MYBL2: variants seen among roughly 807,000 people sequenced by gnomAD.
MYBL2 encodes the protein MYB proto-oncogene like 2, also known as myb-related protein B.
MYBL2 carries 28 observed loss-of-function variants against 79.9 expected under a neutral mutation model. The observed-to-expected ratio is 0.35, with a 90% confidence interval of 0.26 to 0.48. MYBL2 has a LOEUF of 0.48. MYBL2 is among the 20% of genes least tolerant of loss of function. The pLI, the probability that MYBL2 is intolerant of heterozygous loss-of-function variation, is 0.99. For missense variants in MYBL2, 735 were observed against 893.9 expected (o/e 0.82, Z 2.27); for synonymous variants, 378 against 361.2 (o/e 1.05, Z -0.53).
intron 4 of MYBL2, among the ~76,000 whole-genome samples, chr20:43,684,239 T>TC (rs1444510247): frequency 6.6e-6 from 1 of 151,422 alleles, no homozygotes; most frequent in Non-Finnish European, 1.5e-5. Flanking sequence ...TTTTTTTTTT[T>TC]CCTTGTTAAT....
At chr20:43,697,869 C>T (rs1234097001) in intron 6 of MYBL2, among the ~76,000 whole-genome samples, 2 of 149,844 alleles carry the variant, frequency 1.3e-5, no homozygotes, top group Admixed American at 6.7e-5. Flanking sequence ...GAGCCGAGAT[C>T]GCGCCACTGC....
At chr20:43,715,536 AC>A (rs1988012451) in intron 13 of MYBL2, among the ~76,000 whole-genome samples, 2 of 151,982 alleles carry the variant, frequency 1.3e-5, no homozygotes, top group South Asian at 4.2e-4. Context: ...CTGTAGAGAT[AC>A]CCCCATTCTG....
chr20:43,700,115 A>C (rs1029442996), intron 7 of MYBL2, 71 bp downstream of exon 7: 15 of 1,546,300 alleles, frequency 9.7e-6, no homozygotes, highest in Non-Finnish European at 1.2e-5. Flanking sequence ...TCTCAGGCCC[A>C]CATCCTTTTG....
chr20:43,711,759 C>CT (rs1463037685), intron 11 of MYBL2, among the ~76,000 whole-genome samples, 158 bp downstream of exon 11: 2 of 152,078 alleles, frequency 1.3e-5, no homozygotes, highest in African/African-American at 4.8e-5. Flanking sequence ...GTTGAGGAAA[C>CT]TGACAAGATA....
chr20:43,700,048 T>A lies in MYBL2; in HGVS notation c.951+4T>A. 6.2e-7 allele frequency: 1 copy of A among 1,612,976 alleles called. No individual in the cohort carries two copies. The highest frequency in any genetic ancestry group is 1.1e-5 in the South Asian group (1 of 91,048). On this transcript the variant is annotated splice_donor_region_variant and intron_variant, in intron 7 of 13. Coordinates refer to ENST00000217026, the MANE Select transcript of MYBL2 (RefSeq NM_002466.4). ...AGCCCTGGACTTGATCGAGTCGGTA[T>A]GTTGGTCACAACACTTCACAGTGAG...
intron 6 of MYBL2, 136 bp downstream of exon 6, chr20:43,692,455 T>C: frequency 9.3e-7 from 1 of 1,076,714 alleles, no homozygotes; most frequent in South Asian, 1.7e-5. Flanking sequence ...TCTGGGGCCT[T>C]GTGAGACTTC....
chr20:43,668,681 C>T (rs998897065), intron 1 of MYBL2, among the ~76,000 whole-genome samples: 1 of 128,096 alleles, frequency 7.8e-6, no homozygotes, highest in Admixed American at 9.4e-5. Flanking sequence ...CAGACCCTGC[C>T]CTGGTTTTTT....
chr20:43,697,981 G>T (rs1353359358), intron 6 of MYBL2, among the ~76,000 whole-genome samples: 2 of 148,630 alleles, frequency 1.3e-5, no homozygotes, highest in Non-Finnish European at 3.0e-5. Flanking sequence ...CATTGTTTTG[G>T]TTTTCATTTC....
chr20:43,707,512 G>A (rs762855965), intron 9 of MYBL2, among the ~76,000 whole-genome samples: 14 of 152,082 alleles, frequency 9.2e-5, no homozygotes, highest in East Asian at 1.9e-4. Flanking sequence ...TAACCATGTA[G>A]TGTGGGCTTG....
rs920043568 is a variant in MYBL2 at position 43,709,188 on chromosome 20, C to T, written c.1506-775C>T. On this transcript the variant is annotated intron_variant, in intron 9 of 13. Coordinates refer to ENST00000217026, the MANE Select transcript of MYBL2 (RefSeq NM_002466.4). ...CATCCTCTGAGTGCCCTGGTTATGC[C>T]ATGAGAGTCAGCCATGGTGGTATCT... Among the ~76,000 whole-genome samples the T allele has an allele frequency of 5.3e-5, 8 of 152,268 alleles. No individual in the cohort carries two copies. The East Asian group carries it at 9.7e-4, about 18-fold the overall frequency.
At chr20:43,704,791 T>C (rs1354063126) in intron 8 of MYBL2, among the ~76,000 whole-genome samples, 1 of 152,154 alleles carries the variant, frequency 6.6e-6, no homozygotes, top group East Asian at 1.9e-4. Flanking sequence ...GTGAAGTGCT[T>C]AGCACTGGCA....
At chr20:43,692,112 C>A (rs1987425797) in intron 5 of MYBL2, 45 bp from the exon 6 acceptor site, 1 of 1,597,248 alleles carries the variant, frequency 6.3e-7, no homozygotes, top group Non-Finnish European at 8.6e-7. Flanking sequence ...GATGGCACCC[C>A]ACCCACAGAG....
rs1324860905 is a variant in MYBL2 at position 43,716,386 on chromosome 20, T to G, written c.*299T>G. 3 of 425,532 alleles carry G rather than the reference T, an allele frequency of 7.1e-6. No homozygotes were observed. The highest frequency in any genetic ancestry group is 1.3e-5 in the Non-Finnish European group (3 of 239,128). 26.4% of individuals were successfully genotyped at this position (425,532 alleles called of 1,614,324 possible). The stretch of plus-strand genomic sequence containing the variant: ...AGCCCACGTCAGGCCTGGCCTCATC[T>G]CAGACCCTGCTTAGGATGGGGGATG... On this transcript the variant is annotated 3_prime_UTR_variant, in exon 14 of 14. Coordinates refer to ENST00000217026, the MANE Select transcript of MYBL2 (RefSeq NM_002466.4).
intron 8 of MYBL2, 128 bp from the exon 9 acceptor site, chr20:43,705,091 G>A (rs1013656227): frequency 1.7e-6 from 2 of 1,210,996 alleles, no homozygotes; most frequent in South Asian, 2.9e-5. Context: ...GGGTCAAGAG[G>A]GGACCTCAGT....
At chr20:43,688,548 T>G (rs968681573) in intron 5 of MYBL2, among the ~76,000 whole-genome samples, 1 of 152,046 alleles carries the variant, frequency 6.6e-6, no homozygotes, top group Non-Finnish European at 1.5e-5. Context: ...AGGGGCATAA[T>G]CATGGCTCAT....
intron 9 of MYBL2, among the ~76,000 whole-genome samples, chr20:43,708,616 A>G (rs1987840719): frequency 6.6e-6 from 1 of 151,762 alleles, no homozygotes; most frequent in Non-Finnish European, 1.5e-5. Context: ...TTTAGTAGTG[A>G]TGGAGTCTGT....
chr20:43,688,381 T>C (rs1987330043), intron 5 of MYBL2, among the ~76,000 whole-genome samples: 2 of 152,058 alleles, frequency 1.3e-5, no homozygotes, highest in Non-Finnish European at 2.9e-5. Flanking sequence ...TTTGTATTTT[T>C]AGTAGAGATG....
rs1311700475 is a variant in MYBL2, at chr20:43,694,385, A to G, written c.663+2066A>G. On this transcript the variant is annotated intron_variant, in intron 6 of 13. Coordinates refer to ENST00000217026, the MANE Select transcript of MYBL2 (RefSeq NM_002466.4). ...AAATAAATAAAAATTTGAAGCAAGCATGACAAAAAATAGATTTGATGATGC... is the reference window on the plus strand; with the variant it reads ...AAATAAATAAAAATTTGAAGCAAGCGTGACAAAAAATAGATTTGATGATGC... Among the ~76,000 whole-genome samples, 4 of 25,882 alleles carry G rather than the reference A, an allele frequency of 1.5e-4. No individual in the cohort carries two copies. In the East Asian group the frequency reaches 4.4e-3, roughly 29 times the overall value. The allele number at this position is 25,882 out of a possible 152,430, so 17.0% of individuals were successfully genotyped here. A position where few individuals can be genotyped will look rare whatever the true frequency, so the allele number is the denominator to read the frequency against.
At chr20:43,710,243 G>A (rs1987875764) in intron 10 of MYBL2, among the ~76,000 whole-genome samples, 181 bp downstream of exon 10, 2 of 152,190 alleles carry the variant, frequency 1.3e-5, no homozygotes, top group African/African-American at 2.4e-5. Flanking sequence ...CACTTCCTCC[G>A]ACTGCTCCTG....
Sources: gnomAD v4.1 joint callset for allele counts (sites outside exome capture counted in the v4.1 genomes callset) on GRCh38, gnomAD v4.1.1 for gene constraint, MANE v1.5 for transcripts, NCBI Gene and HGNC (gene_info 2026-07-23, HGNC 2026-07-21) for gene names.